ARHGAP6: variants seen among roughly 807,000 people sequenced by gnomAD.
ARHGAP6 encodes the protein Rho GTPase activating protein 6, also known as rho GTPase-activating protein 6.
In ARHGAP6, 16 loss-of-function variants were observed where a neutral mutation model predicts 55.7. The observed-to-expected ratio is 0.29, with a 90% confidence interval of 0.19 to 0.44. The LOEUF is 0.44. Ranked by LOEUF, ARHGAP6 falls within the 20% of genes least tolerant of loss-of-function variation. The pLI is 1.00. For synonymous variants in ARHGAP6, 382 were observed against 360.9 expected (o/e 1.06, Z -0.66); for missense variants, 698 against 808.9 (o/e 0.86, Z 1.66).
intron 1 of ARHGAP6, among the ~76,000 whole-genome samples, chrX:11,293,145 C>G (rs2048023749): frequency 2.7e-5 from 3 of 112,255 alleles, no homozygotes; most frequent in African/African-American, 9.7e-5. Flanking sequence ...AAAAATAAAT[C>G]TGAATATATC....
chrX:11,308,792 T>C (rs759677347), intron 1 of ARHGAP6, among the ~76,000 whole-genome samples: 1 of 112,271 alleles, frequency 8.9e-6, no homozygotes, highest in South Asian at 3.7e-4. Flanking sequence ...TATAAGCCAA[T>C]GTGCATGTTA....
chrX:11,352,226 G>A (rs2048871536), intron 1 of ARHGAP6, among the ~76,000 whole-genome samples: 1 of 111,723 alleles, frequency 9.0e-6, no homozygotes, highest in African/African-American at 3.3e-5. Flanking sequence ...AGATCAAATA[G>A]TTTACCCACA....
intron 2 of ARHGAP6, among the ~76,000 whole-genome samples, chrX:11,204,947 A>T (rs1351741006): frequency 1.8e-5 from 2 of 111,847 alleles, no homozygotes; most frequent in Admixed American, 1.9e-4. Context: ...CTCTAGTCTC[A>T]TCCTGTTTCA....
chrX:11,567,511 G>A (rs1601651810), intron 1 of ARHGAP6, among the ~76,000 whole-genome samples: 1 of 98,967 alleles, frequency 1.0e-5, no homozygotes, highest in Non-Finnish European at 2.0e-5. Context: ...CCGAGATGGC[G>A]CCACTGCACT....
At chrX:11,473,179 G>C (rs959562770) in intron 1 of ARHGAP6, among the ~76,000 whole-genome samples, 1 of 111,414 alleles carries the variant, frequency 9.0e-6, no homozygotes, top group Non-Finnish European at 1.9e-5. Flanking sequence ...TTCCAGAGAA[G>C]AGCCTAGGGG....
chrX:11,599,402 C>T (rs892355673), intron 1 of ARHGAP6, among the ~76,000 whole-genome samples: 7 of 110,788 alleles, frequency 6.3e-5, no homozygotes, highest in Admixed American at 2.0e-4. Flanking sequence ...ATATAATGAT[C>T]GAATTGGGTT....
intron 2 of ARHGAP6, among the ~76,000 whole-genome samples, chrX:11,226,326 C>CT (rs1366179823): frequency 2.7e-5 from 3 of 110,400 alleles, no homozygotes; most frequent in Non-Finnish European, 5.7e-5. Context: ...TGAACTCATC[C>CT]TTTTTTTTGG....
chrX:11,374,747 G>T (rs1370095965), intron 1 of ARHGAP6, among the ~76,000 whole-genome samples: 1 of 112,144 alleles, frequency 8.9e-6, no homozygotes, highest in Non-Finnish European at 1.9e-5. Flanking sequence ...GGCTTTCTTT[G>T]TCTGACTATC....
At chrX:11,167,706 A>G (rs2046035261) in intron 9 of ARHGAP6, among the ~76,000 whole-genome samples, 1 of 111,884 alleles carries the variant, frequency 8.9e-6, no homozygotes, top group Non-Finnish European at 1.9e-5. Context: ...TAATAGAATT[A>G]AGTTTGATGA....
Position 11,338,141 on chromosome X carries a change from G to A in ARHGAP6, c.589-83434C>T, listed in dbSNP as rs181368429. On this transcript the variant is annotated intron_variant, in intron 1 of 12. Transcript: ENST00000337414. ...ACATCTCCCACTATGCCCCACCTCC[G>A]ATATCACCATGCTGACCGTCAAATG... 2.2e-3 allele frequency among the ~76,000 whole-genome samples: 239 copies of A among 111,042 alleles called. 2 individuals are homozygous for A. Among genetic ancestry groups the A allele is most frequent in the Non-Finnish European group, 4.0e-3 (210 of 53,009 alleles).
At chrX:11,635,579 A>C (rs1355476770) in intron 1 of ARHGAP6, among the ~76,000 whole-genome samples, 1 of 111,571 alleles carries the variant, frequency 9.0e-6, no homozygotes, top group Non-Finnish European at 1.9e-5. Context: ...AAAATGTCTA[A>C]ATCTGAGTGG....
intron 1 of ARHGAP6, among the ~76,000 whole-genome samples, chrX:11,479,775 T>C (rs1021277411): frequency 8.9e-6 from 1 of 111,998 alleles, no homozygotes; most frequent in African/African-American, 3.2e-5. Flanking sequence ...GCCCCACTGC[T>C]CTTAATCAAG....
chrX:11,565,327 A>G (rs2051430587), intron 1 of ARHGAP6, among the ~76,000 whole-genome samples: 1 of 112,404 alleles, frequency 8.9e-6, no homozygotes, highest in Non-Finnish European at 1.9e-5. Context: ...CCAGGCTCAC[A>G]GATCAGTTTC....
In ARHGAP6 at chrX:11,398,030, C is replaced by T. The variant is rs142967678; in HGVS notation, c.589-143323G>A. Among the ~76,000 whole-genome samples, 289 of 111,496 alleles carry T rather than the reference C, an allele frequency of 2.6e-3. 1 individual carries two copies. Among genetic ancestry groups the T allele is most frequent in the Non-Finnish European group, 1.5e-3 (79 of 53,088 alleles). The stretch of plus-strand genomic sequence containing the variant: ...GCTTTCTTTGAGATAAAGACTAGAA[C>T]AGGCACTCTTTACTCTGGGGCAGGC... On this transcript the variant is annotated intron_variant, in intron 1 of 12. Coordinates refer to ENST00000337414, the MANE Select transcript of ARHGAP6 (RefSeq NM_013427.3).
intron 1 of ARHGAP6, among the ~76,000 whole-genome samples, chrX:11,629,782 T>A (rs1260321676): frequency 9.0e-6 from 1 of 111,334 alleles, no homozygotes; most frequent in Non-Finnish European, 1.9e-5. Flanking sequence ...CTGCCAAACC[T>A]GACCTCATGT....
chrX:11,663,471 A>G (rs954699909), intron 1 of ARHGAP6, among the ~76,000 whole-genome samples: 4 of 112,206 alleles, frequency 3.6e-5, no homozygotes, highest in Non-Finnish European at 3.8e-5. Flanking sequence ...AGCGCCCATC[A>G]GTGACAGTTT....
chrX:11,530,385 A>G (rs1329759092), intron 1 of ARHGAP6, among the ~76,000 whole-genome samples: 1 of 112,244 alleles, frequency 8.9e-6, no homozygotes, highest in Non-Finnish European at 1.9e-5. Flanking sequence ...GTAAGTGAAA[A>G]CTGTTATAAA....
chrX:11,358,269 T>C (rs2048957756), intron 1 of ARHGAP6, among the ~76,000 whole-genome samples: 1 of 111,922 alleles, frequency 8.9e-6, no homozygotes, highest in Non-Finnish European at 1.9e-5. Flanking sequence ...TGTTTATTTG[T>C]TGATGAACAT....
intron 1 of ARHGAP6, among the ~76,000 whole-genome samples, chrX:11,639,595 A>G (rs1246896333): frequency 9.0e-6 from 1 of 111,476 alleles, no homozygotes; most frequent in Non-Finnish European, 1.9e-5. Flanking sequence ...GCCACAAAAA[A>G]ATATGCCTTC....
Sources: allele counts gnomAD v4.1 joint callset (sites outside exome capture counted in the v4.1 genomes callset), GRCh38; gene constraint gnomAD v4.1.1; transcripts MANE v1.5; gene names NCBI Gene and HGNC (gene_info 2026-07-23, HGNC 2026-07-21).